Variants in KIF6 observed in about 807,000 individuals in gnomAD.
The protein encoded by KIF6 is kinesin-like protein KIF6.
A neutral mutation model predicts 112.7 loss-of-function variants in KIF6; 106 were observed. The ratio of observed to expected loss-of-function variants is 0.94; its 90% CI spans 0.80 to 1.11. KIF6 has a LOEUF of 1.11. Ranked by LOEUF, KIF6 falls within the 50% of genes least tolerant of loss-of-function variation. KIF6 has a pLI of 0.00. For synonymous variants in KIF6, 339 were observed against 339.9 expected (o/e 1.00, Z 0.03); for missense variants, 929 against 964.0 (o/e 0.96, Z 0.48).
At chr6:39,620,451 TGC>T (rs1389086772) in intron 5 of KIF6, 1 of 152,218 alleles carries the variant, frequency 6.6e-6, no homozygotes, top group Non-Finnish European at 1.5e-5. Context: ...GCATTTCCTC[TGC>T]CAGGTAAATA....
chr6:39,623,340 T>C (rs1783926185), intron 5 of KIF6, among the ~76,000 whole-genome samples: 3 of 152,214 alleles, frequency 2.0e-5, no homozygotes, highest in Admixed American at 1.3e-4. Context: ...TCTGTGATTT[T>C]GTTTGGAATT....
intron 3 of KIF6, among the ~76,000 whole-genome samples, chr6:39,710,917 C>A (rs533097696): frequency 6.6e-6 from 1 of 151,790 alleles, no homozygotes; most frequent in Admixed American, 6.6e-5. Flanking sequence ...TTCAACTACT[C>A]GGGAGGCCTT....
chr6:39,528,216 G>T (rs1416755387), intron 13 of KIF6, among the ~76,000 whole-genome samples: 1 of 152,102 alleles, frequency 6.6e-6, no homozygotes, highest in Non-Finnish European at 1.5e-5. Context: ...ATGTGGTATT[G>T]TCTCTCTGTG....
Position 39,342,769 on chromosome 6 carries a change from C to A in KIF6, c.2428+940G>T, listed in dbSNP as rs960572599. ...AGAGGATAGTAAATAAGCAGGCTGG[C>A]GGCCAAGCAAGGCGAGTACAGGACC... On this transcript the variant is annotated intron_variant, in intron 22 of 22. Transcript: ENST00000287152. This position sits in a 1 kb window ranked among gnomAD's most constrained non-coding sequence, Gnocchi z 4.7. 4 of 984,530 alleles carry A rather than the reference C, an allele frequency of 4.1e-6. No homozygotes were observed. Among genetic ancestry groups the A allele is most frequent in the Non-Finnish European group, 4.8e-6 (4 of 829,362 alleles). The allele number at this position is 984,530 out of a possible 1,614,324, so 61.0% of individuals were successfully genotyped here. A position where few individuals can be genotyped will look rare whatever the true frequency, so the allele number is the denominator to read the frequency against.
chr6:39,589,702 G>A, intron 7 of KIF6, among the ~76,000 whole-genome samples: 1 of 152,136 alleles, frequency 6.6e-6, no homozygotes, highest in Admixed American at 6.5e-5. Flanking sequence ...AGAGGCATCT[G>A]GTTCTTCTGA....
At chr6:39,535,625 C>T (rs1778374240) in intron 13 of KIF6, among the ~76,000 whole-genome samples, 1 of 152,164 alleles carries the variant, frequency 6.6e-6, no homozygotes, top group Non-Finnish European at 1.5e-5. Context: ...GAGACTTTAA[C>T]ACCCCACTGT....
At chr6:39,391,928 T>TATGTATATATGAATGC (rs1451912300) in intron 15 of KIF6, among the ~76,000 whole-genome samples, 2 of 152,146 alleles carry the variant, frequency 1.3e-5, no homozygotes, top group Non-Finnish European at 2.9e-5. Context: ...CATATGCATG[T>TATGTATATATGAATGC]ATGTATATAT....
intron 22 of KIF6, among the ~76,000 whole-genome samples, chr6:39,340,723 G>A (rs1250644619): frequency 6.6e-6 from 1 of 152,184 alleles, no homozygotes; most frequent in Non-Finnish European, 1.5e-5. Flanking sequence ...TGGGGACAGT[G>A]TTAGCAGGAG....
chr6:39,700,389 G>C (rs1001150273), intron 3 of KIF6, among the ~76,000 whole-genome samples: 10 of 152,310 alleles, frequency 6.6e-5, no homozygotes, highest in Admixed American at 1.3e-4. Flanking sequence ...GTAAGTTTTA[G>C]TATGTTCAAG....
intron 7 of KIF6, among the ~76,000 whole-genome samples, chr6:39,590,284 A>G (rs2150671453): frequency 1.3e-5 from 2 of 152,152 alleles, no homozygotes; most frequent in Middle Eastern, 3.4e-3. Flanking sequence ...TCTTATATAA[A>G]ACAAATTCAC....
intron 2 of KIF6, 113 bp from the exon 3 acceptor site, chr6:39,714,879 G>A (rs921275301): frequency 4.2e-6 from 3 of 710,398 alleles, no homozygotes; most frequent in Non-Finnish European, 2.4e-6. Flanking sequence ...ACATCACTGG[G>A]CTTACCTAAC....
chr6:39,482,964 T>A (rs919501515), intron 13 of KIF6, among the ~76,000 whole-genome samples: 1 of 152,240 alleles, frequency 6.6e-6, no homozygotes, highest in Non-Finnish European at 1.5e-5. Flanking sequence ...AGCCCAGGCT[T>A]CTTCTCTCCC....
intron 13 of KIF6, among the ~76,000 whole-genome samples, chr6:39,531,945 T>A (rs1671860661): frequency 6.6e-6 from 1 of 152,068 alleles, no homozygotes; most frequent in Admixed American, 6.5e-5. Flanking sequence ...TAACCACACC[T>A]GGCTTTTGTA....
intron 3 of KIF6, among the ~76,000 whole-genome samples, chr6:39,643,682 C>G (rs1452422530): frequency 6.6e-6 from 1 of 152,054 alleles, no homozygotes; most frequent in Admixed American, 6.6e-5. Flanking sequence ...CAAAACGAAT[C>G]ACAGACCTAA....
intron 3 of KIF6, among the ~76,000 whole-genome samples, chr6:39,699,915 C>T (rs1350643836): frequency 6.6e-6 from 1 of 152,170 alleles, no homozygotes; most frequent in African/African-American, 2.4e-5. Context: ...TTAGCAACTT[C>T]ATTTTCAATG....
chr6:39,362,903 C>A (rs902363326), intron 16 of KIF6, among the ~76,000 whole-genome samples: 2 of 152,208 alleles, frequency 1.3e-5, no homozygotes, highest in African/African-American at 4.8e-5. Flanking sequence ...AATCCCAGCA[C>A]TTTGGGAAGC....
intron 5 of KIF6, chr6:39,617,675 C>A: frequency 2.2e-6 from 1 of 454,500 alleles, no homozygotes; most frequent in Non-Finnish European, 4.4e-6. Flanking sequence ...CATACTGCAA[C>A]AATTTTCCAA....
intron 1 of KIF6, among the ~76,000 whole-genome samples, chr6:39,723,186 C>G (rs1012459475): frequency 6.6e-5 from 10 of 152,108 alleles, no homozygotes; most frequent in Non-Finnish European, 1.0e-4. Flanking sequence ...GGAAGATACC[C>G]ATGGTTCTTT....
intron 13 of KIF6, among the ~76,000 whole-genome samples, chr6:39,436,065 G>T (rs1298222463): frequency 6.6e-6 from 1 of 152,108 alleles, no homozygotes; most frequent in Non-Finnish European, 1.5e-5. Flanking sequence ...TCTGGCTGGG[G>T]TAAGATGGTA....
Sources: allele counts gnomAD v4.1 joint callset (sites outside exome capture counted in the v4.1 genomes callset), GRCh38; gene constraint gnomAD v4.1.1; non-coding constraint Gnocchi (gnomAD v3.1); transcripts MANE v1.5; gene names NCBI Gene and HGNC (gene_info 2026-07-23, HGNC 2026-07-21).